The following XYLT1 variants were observed in gnomAD, a reference collection of about 807,000 sequenced individuals.
XYLT1 encodes the protein beta-D-xylosyltransferase 1.
XYLT1 carries 36 observed loss-of-function variants against 91.3 expected under a neutral mutation model. The ratio of observed to expected loss-of-function variants is 0.39; its 90% CI spans 0.30 to 0.52. The LOEUF (loss-of-function observed/expected upper bound fraction) is 0.52, where lower values mean the gene tolerates loss of function less well. Ranked by LOEUF, XYLT1 falls within the 20% of genes least tolerant of loss-of-function variation. The pLI is 0.68. For synonymous variants in XYLT1, 588 were observed against 532.0 expected (o/e 1.11, Z -1.45); for missense variants, 1,242 against 1,284.5 (o/e 0.97, Z 0.51).
chr16:17,171,544 G>A (rs2031819852), intron 5 of XYLT1, among the ~76,000 whole-genome samples: 1 of 152,210 alleles, frequency 6.6e-6, no homozygotes, highest in Non-Finnish European at 1.5e-5. Context: ...AAGGTTACTT[G>A]TTTATCTCAG....
At chr16:17,143,586 G>A (rs922318233) in intron 6 of XYLT1, among the ~76,000 whole-genome samples, 3 of 152,182 alleles carry the variant, frequency 2.0e-5, no homozygotes, top group African/African-American at 4.8e-5. Flanking sequence ...CATGGACTCC[G>A]TATGTGCTGG....
intron 3 of XYLT1, among the ~76,000 whole-genome samples, chr16:17,221,959 G>C (rs933518203): frequency 2.6e-5 from 4 of 152,236 alleles, no homozygotes; most frequent in East Asian, 1.9e-4. Flanking sequence ...TCCAAGAGGT[G>C]ACTTGAGGAT....
chr16:17,231,924 T>C (rs941560999), intron 3 of XYLT1, among the ~76,000 whole-genome samples: 4 of 151,654 alleles, frequency 2.6e-5, no homozygotes, highest in African/African-American at 9.7e-5. Flanking sequence ...ATAAACACTG[T>C]ACACTTAGGC....
At chr16:17,212,383 G>T (rs2032775666) in intron 3 of XYLT1, among the ~76,000 whole-genome samples, 1 of 152,094 alleles carries the variant, frequency 6.6e-6, no homozygotes, top group Non-Finnish European at 1.5e-5. Flanking sequence ...CAAGTATTGG[G>T]ACTCTTTTGA....
chr16:17,448,376 A>C lies in XYLT1; in HGVS notation c.363+22058T>G, dbSNP rs181131191. ...GAGCAAGACTCTGTCTCAAAAATAA[A>C]ATAAAATAAAATGGCTGTGAGCCTG... On this transcript the variant is annotated intron_variant, in intron 1 of 11. Coordinates refer to ENST00000261381, the MANE Select transcript of XYLT1 (RefSeq NM_022166.4). 1.8e-3 allele frequency among the ~76,000 whole-genome samples: 278 copies of C among 152,344 alleles called. 2 individuals carry two copies. The highest frequency in any genetic ancestry group is 6.5e-3 in the African/African-American group (269 of 41,574).
intron 3 of XYLT1, among the ~76,000 whole-genome samples, chr16:17,212,554 C>G (rs1307981708): frequency 6.6e-6 from 1 of 152,164 alleles, no homozygotes; most frequent in African/African-American, 2.4e-5. Context: ...CATGGCCACT[C>G]ACTCCACCAG....
Position 17,127,812 on chromosome 16 carries a change from C to T in XYLT1, c.2077G>A (p.Asp693Asn). The change falls in exon 10 of 12, where the codon GAC (aspartate) becomes AAC (asparagine). Residue 693 changes from aspartate (D) to asparagine (N), a missense_variant. Physicochemically the swap from Asp to Asn is conservative, Grantham distance 23. This residue lies in a region of XYLT1 where 511 missense variants were observed against 497.0 expected (regional missense o/e 1.03). Coordinates refer to ENST00000261381, the MANE Select transcript of XYLT1 (RefSeq NM_022166.4). ...TTGATCAGAAAGCCCTGGAAGCGGT[C>T]AGCAAGGAAGTAGAGGTGCACAGAT... ...PASVHLYFLA[D>N]RFQGFLIKHH... 6.2e-7 allele frequency: 1 copy of T among 1,614,086 alleles called. No individual in the cohort carries two copies. The highest frequency in any genetic ancestry group is 8.5e-7 in the Non-Finnish European group (1 of 1,180,008).
chr16:17,115,158 T>C (rs1966849326), intron 11 of XYLT1, among the ~76,000 whole-genome samples: 1 of 152,038 alleles, frequency 6.6e-6, no homozygotes, highest in South Asian at 2.1e-4. Flanking sequence ...CATACAATTT[T>C]ATGTTTAAGA....
chr16:17,132,527 CAGTTAGT>C, intron 9 of XYLT1, among the ~76,000 whole-genome samples: 1 of 142,368 alleles, frequency 7.0e-6, no homozygotes, highest in South Asian at 2.3e-4. Flanking sequence ...GAACCCTGAG[CAGTTAGT>C]ACATGGCAAC....
chr16:17,379,979 G>C (rs1196410242), intron 1 of XYLT1, among the ~76,000 whole-genome samples: 1 of 152,090 alleles, frequency 6.6e-6, no homozygotes, highest in Non-Finnish European at 1.5e-5. Context: ...CTTTGTGTCT[G>C]GCAACAATGC....
intron 10 of XYLT1, among the ~76,000 whole-genome samples, chr16:17,121,396 C>T (rs1324479658): frequency 2.0e-5 from 3 of 152,158 alleles, no homozygotes; most frequent in Non-Finnish European, 4.4e-5. Flanking sequence ...CTGCTGCTGT[C>T]ACATCCTCCA....
At chr16:17,302,856 A>T (rs1170269130) in intron 2 of XYLT1, among the ~76,000 whole-genome samples, 2 of 152,144 alleles carry the variant, frequency 1.3e-5, no homozygotes, top group Non-Finnish European at 2.9e-5. Flanking sequence ...TTTGAGGAAG[A>T]CTAGGGAAGG....
intron 2 of XYLT1, chr16:17,338,373 C>T (rs1318908258): frequency 6.6e-6 from 3 of 456,518 alleles, no homozygotes; most frequent in South Asian, 1.5e-5. Context: ...CTTATCAGTC[C>T]CATCCCCTGC....
chr16:17,298,002 C>G (rs1204930883), intron 2 of XYLT1, among the ~76,000 whole-genome samples: 2 of 149,544 alleles, frequency 1.3e-5, no homozygotes, highest in Admixed American at 1.3e-4. Context: ...GCCTGGGCGA[C>G]GAGCGAGACT....
chr16:17,449,890 A>T (rs1364319), intron 1 of XYLT1, among the ~76,000 whole-genome samples: 1 of 152,026 alleles, frequency 6.6e-6, no homozygotes, highest in Non-Finnish European at 1.5e-5. Flanking sequence ...CTCACTTTTA[A>T]GACATCTCAT....
chr16:17,396,597 G>A (rs1050092753), intron 1 of XYLT1, among the ~76,000 whole-genome samples: 14 of 152,180 alleles, frequency 9.2e-5, no homozygotes, highest in African/African-American at 3.1e-4. Flanking sequence ...TAGGCTGGGC[G>A]CGGTGGCTCA....
chr16:17,456,416 C>CG (rs2036743933), intron 1 of XYLT1, among the ~76,000 whole-genome samples: 1 of 149,634 alleles, frequency 6.7e-6, no homozygotes, highest in African/African-American at 2.5e-5. Flanking sequence ...CGGCTCACAG[C>CG]AGCCTCAACC....
In XYLT1 at chr16:17,108,997, T is replaced by C; in HGVS notation, c.2578A>G (p.Asn860Asp). The change falls in exon 12 of 12, where the codon AAT becomes GAT. Residue 860 changes from asparagine (N) to aspartate (D), a missense_variant. By Grantham distance (23) the Asn-to-Asp change is conservative (BLOSUM62 1). Around this residue, in one of 3 missense-constraint regions of XYLT1, gnomAD observed 511 missense variants for 497.0 expected, o/e 1.03. Transcript: ENST00000261381. ...ATGTAGGCATTGCGGAGGGGCCCAT[T>C]GTGCAGCTTCAGTGCCTCCTCTGAA... ...IKPEEALKLH[N>D]GPLRNAYMEQ... 6.5e-7 allele frequency: 1 copy of C among 1,531,832 alleles called. No homozygotes were observed. The highest frequency in any genetic ancestry group is 8.8e-7 in the Non-Finnish European group (1 of 1,133,510). 94.9% of individuals were successfully genotyped at this position (1,531,832 alleles called of 1,614,324 possible). A position where few individuals can be genotyped will look rare whatever the true frequency, so the allele number is the denominator to read the frequency against.
intron 2 of XYLT1, among the ~76,000 whole-genome samples, chr16:17,263,804 G>A (rs1461135092): frequency 1.3e-5 from 2 of 152,084 alleles, no homozygotes; most frequent in Non-Finnish European, 2.9e-5. Flanking sequence ...CGCCTCCCAG[G>A]TTCAAGTGAT....
Sources: allele counts gnomAD v4.1 joint callset (sites outside exome capture counted in the v4.1 genomes callset), GRCh38; gene constraint gnomAD v4.1.1; regional missense constraint gnomAD v4.1.1; transcripts MANE v1.5; gene names NCBI Gene and HGNC (gene_info 2026-07-23, HGNC 2026-07-21).